NHSL2: variants seen among roughly 807,000 people sequenced by gnomAD.
NHSL2 encodes the protein NHS-like protein 2.
A neutral mutation model predicts 53.4 loss-of-function variants in NHSL2; 27 were observed. The ratio of observed to expected loss-of-function variants is 0.51; its 90% CI spans 0.37 to 0.70. NHSL2 has a LOEUF of 0.70. Ranked by LOEUF, NHSL2 falls within the 30% of genes least tolerant of loss-of-function variation. The pLI, the probability that NHSL2 is intolerant of heterozygous loss-of-function variation, is 0.00. For missense variants in NHSL2, 892 were observed against 980.1 expected, an observed-to-expected ratio of 0.91 and a Z score of 1.20; for synonymous variants, 408 against 404.1, an observed-to-expected ratio of 1.01 and a Z score of -0.12.
At chrX:72,029,217 G>A (rs1301757726) in intron 1 of NHSL2, among the ~76,000 whole-genome samples, 5 of 111,361 alleles carry the variant, frequency 4.5e-5, no homozygotes, top group Non-Finnish European at 9.4e-5. Flanking sequence ...AGGACCTAAT[G>A]CATACAGAGG....
chrX:72,135,521 C>T (rs989795754), intron 4 of NHSL2, among the ~76,000 whole-genome samples: 1 of 111,808 alleles, frequency 8.9e-6, no homozygotes, highest in Non-Finnish European at 1.9e-5. Context: ...TGTGAGCCAG[C>T]GCCAGCCTGT....
intron 1 of NHSL2, among the ~76,000 whole-genome samples, chrX:71,951,380 C>T (rs1035429538): frequency 1.8e-5 from 2 of 111,790 alleles, no homozygotes; most frequent in African/African-American, 6.5e-5. Flanking sequence ...GGATATATAT[C>T]CAGAGGTAGA....
At chrX:72,049,009 A>AGAGGAAGAG (rs1556340803) in intron 1 of NHSL2, among the ~76,000 whole-genome samples, 51 of 86,142 alleles carry the variant, frequency 5.9e-4, no homozygotes, top group Middle Eastern at 5.3e-3. Flanking sequence ...AAGAAGAAGA[A>AGAGGAAGAG]GAAGAGGAAG....
intron 1 of NHSL2, among the ~76,000 whole-genome samples, chrX:72,033,628 G>T (rs947699100): frequency 6.2e-5 from 7 of 112,282 alleles, no homozygotes; most frequent in African/African-American, 2.3e-4. Flanking sequence ...ACACATAAGT[G>T]TTTTATTTTC....
chrX:72,031,869 GGATCTGGT>G (rs1448552164), intron 1 of NHSL2, among the ~76,000 whole-genome samples: 1 of 111,741 alleles, frequency 8.9e-6, no homozygotes, highest in Non-Finnish European at 1.9e-5. Flanking sequence ...TTTACAAGGT[GGATCTGGT>G]GACCCTTTAC....
In NHSL2 at chrX:71,981,994, A is replaced by G. The variant is rs772062647; in HGVS notation, c.280+70627A>G. On this transcript the variant is annotated intron_variant, in intron 1 of 7. Coordinates refer to ENST00000633930, the MANE Select transcript of NHSL2 (RefSeq NM_001013627.3). ...TCTTAGGTACATACTCAAGAGAAAT[A>G]AAAGCATATGTCCCCATAAAAAAAA... Among the ~76,000 whole-genome samples the G allele has an allele frequency of 4.8e-4, 54 of 112,141 alleles. 1 individual carries two copies. In the South Asian group the frequency reaches 0.02, roughly 41 times the overall value.
chrX:72,128,902 A>G (rs1355337646), intron 1 of NHSL2: 1 of 113,693 alleles, frequency 8.8e-6, no homozygotes, highest in Admixed American at 9.2e-5. Context: ...ACTCTTTACA[A>G]TGGCAGAATG....
Position 72,140,716 on chromosome X carries a change from T to G in NHSL2, c.3168T>G (p.Gly1056=), listed in dbSNP as rs953785368. 7 of 1,202,327 alleles carry G rather than the reference T, an allele frequency of 5.8e-6. No individual in the cohort carries two copies. The African/African-American group carries it at 1.2e-4, about 21-fold the overall frequency. ...CCGGCGATGACCTGCAATCACTTGG[T>G]CAAAGGGTGACTTCAACTCCTCAGG... ...PATGDDLQSL[G]QRVTSTPQAD... is the part of the protein sequence containing the mutation. The change falls in exon 6 of 8, where the codon GGT becomes GGG. Residue 1056 remains glycine (G), a synonymous_variant. Transcript: ENST00000633930.
In NHSL2 at chrX:72,139,100, G is replaced by T; in HGVS notation, c.1552G>T (p.Ala518Ser). 8.5e-7 allele frequency: 1 copy of T among 1,169,722 alleles called. No individual in the cohort carries two copies. The highest frequency in any genetic ancestry group is 1.1e-6 in the Non-Finnish European group (1 of 873,822). ...TGTGGACTATGATGAGGAGCAGAAG[G>T]CCAATGAGGCCTGTGCCCTGCCTTT... is the stretch of plus-strand genomic sequence containing the variant. The part of the protein sequence containing the change: ...TDVDYDEEQK[A>S]NEACALPFAS... The change falls in exon 6 of 8, where the codon GCC becomes TCC. Residue 518 changes from alanine (A) to serine (S), a missense_variant. Transcript: ENST00000633930.
intron 1 of NHSL2, chrX:72,131,464 C>T (rs1004846103): frequency 8.3e-7 from 1 of 1,209,156 alleles, no homozygotes; most frequent in African/African-American, 1.7e-5. Context: ...ATTCTCCCCG[C>T]GAAGGGCATT....
At chrX:72,036,761 C>T (rs1417411986) in intron 1 of NHSL2, among the ~76,000 whole-genome samples, 1 of 111,624 alleles carries the variant, frequency 9.0e-6, no homozygotes, top group Non-Finnish European at 1.9e-5. Context: ...CTGTCTTATT[C>T]TTTCTGCTGT....
At chrX:72,056,281 G>T (rs1262982789) in intron 1 of NHSL2, among the ~76,000 whole-genome samples, 1 of 112,050 alleles carries the variant, frequency 8.9e-6, no homozygotes, top group Non-Finnish European at 1.9e-5. Flanking sequence ...GTACAAAGAT[G>T]TGCATCAAAA....
chrX:72,132,349 A>C, intron 2 of NHSL2, 115 bp downstream of exon 2: 1 of 693,230 alleles, frequency 1.4e-6, no homozygotes, highest in Non-Finnish European at 2.1e-6. Flanking sequence ...GAGAGTTTAA[A>C]AACAATCGAC....
chrX:72,051,115 T>A (rs144807214), intron 1 of NHSL2, among the ~76,000 whole-genome samples: 1 of 112,180 alleles, frequency 8.9e-6, no homozygotes, highest in East Asian at 2.8e-4. Context: ...TAAAATGTGC[T>A]TTCTTCACTC....
rs891377856 is a variant in NHSL2 at position 72,145,203 on chromosome X, C to G, written c.*1629C>G. ...GATGCAGTAAGGTTCCAGAGACAAG[C>G]AGATCTCAACTTTGATAGGTCGTAT... On this transcript the variant is annotated 3_prime_UTR_variant, in exon 8 of 8. Coordinates refer to ENST00000633930, the MANE Select transcript of NHSL2 (RefSeq NM_001013627.3). The G allele has an allele frequency of 6.3e-5, 7 of 111,741 alleles. No individual in the cohort carries two copies. Among genetic ancestry groups the G allele is most frequent in the African/African-American group, 2.3e-4 (7 of 30,727 alleles). The allele number at this position is 111,741 out of a possible 1,213,427, so 9.2% of individuals were successfully genotyped here. A position where few individuals can be genotyped will look rare whatever the true frequency, so the allele number is the denominator to read the frequency against.
rs1394839124 is a variant in NHSL2, at chrX:72,132,227, G to T, written c.429G>T (p.Leu143=). ...LREAQLNLQS[L]LQEEYEEQYS... ...AGGCGCAGCTCAATCTCCAGAGCCT[G>T]TTGCAAGGTACCGAGAGGGAGGGGG... Residue 143 remains leucine (L), a synonymous_variant, in exon 2 of 8, where the codon CTG becomes CTT. Transcript: ENST00000633930. 12 of 1,158,773 alleles carry T rather than the reference G, an allele frequency of 1.0e-5. No individual in the cohort carries two copies. The Middle Eastern group carries it at 7.2e-4, about 70-fold the overall frequency.
chrX:72,135,605 G>T (rs2042349687), intron 4 of NHSL2, among the ~76,000 whole-genome samples: 1 of 112,155 alleles, frequency 8.9e-6, no homozygotes, highest in South Asian at 3.7e-4. Context: ...CTGGATATGG[G>T]GTCCTCCACT....
chrX:71,982,460 G>A (rs1265280337), intron 1 of NHSL2, among the ~76,000 whole-genome samples: 1 of 111,903 alleles, frequency 8.9e-6, no homozygotes, highest in Non-Finnish European at 1.9e-5. Context: ...ATGTCTTTTT[G>A]TATGCCTATG....
At chrX:72,073,359 C>T (rs889202784) in intron 1 of NHSL2, among the ~76,000 whole-genome samples, 2 of 111,638 alleles carry the variant, frequency 1.8e-5, no homozygotes, top group African/African-American at 6.5e-5. Context: ...GTCTGCCAAG[C>T]TCATGAGTTG....
Sources: gnomAD v4.1 joint callset for allele counts (sites outside exome capture counted in the v4.1 genomes callset) on GRCh38, gnomAD v4.1.1 for gene constraint, MANE v1.5 for transcripts, NCBI Gene and HGNC (gene_info 2026-07-23, HGNC 2026-07-21) for gene names.